Variants in ATRN observed in about 807,000 individuals in gnomAD.
The protein encoded by ATRN is attractin-2.
In ATRN, 54 loss-of-function variants were observed where a neutral mutation model predicts 178.7. The observed-to-expected ratio is 0.30, with a 90% confidence interval of 0.24 to 0.38. ATRN has a LOEUF of 0.38. Among genes scored for constraint, ATRN ranks in the 10% least tolerant of loss-of-function variants. The pLI is 1.00. For missense variants in ATRN, 1,443 were observed against 1,815.1 expected (o/e 0.79, Z 3.73); for synonymous variants, 636 against 663.0 (o/e 0.96, Z 0.63).
intron 11 of ATRN, among the ~76,000 whole-genome samples, chr20:3,567,972 A>G (rs751361870): frequency 2.5e-4 from 38 of 152,206 alleles, no homozygotes; most frequent in Non-Finnish European, 4.3e-4. Context: ...TTAATGTGGT[A>G]CTGAGTAAGC....
Position 3,645,460 on chromosome 20 carries a change from G to A in ATRN, c.4165+1192G>A, listed in dbSNP as rs1190141493. 6.6e-6 allele frequency among the ~76,000 whole-genome samples: 1 copy of A among 152,230 alleles called. No homozygotes were observed. Among genetic ancestry groups the A allele is most frequent in the Non-Finnish European group, 1.5e-5 (1 of 68,040 alleles). ...CGTCTGTCACTCAAGTGCAGTTTGT[G>A]TCTCCTGCCACCGCCCAGCCCAGCA... On this transcript the variant is annotated intron_variant, in intron 28 of 28. Transcript: ENST00000262919. The surrounding 1 kb of genome is among the most constrained non-coding windows in gnomAD (Gnocchi z 4.7).
At chr20:3,563,683 A>G (rs995398774) in intron 10 of ATRN, among the ~76,000 whole-genome samples, 6 of 152,082 alleles carry the variant, frequency 3.9e-5, no homozygotes, top group African/African-American at 1.4e-4. Flanking sequence ...ATTGTGTTAA[A>G]ATTGGTTCAC....
At position 3,540,206 on chromosome 20, in the gene ATRN, T is replaced by G; in HGVS notation, c.495-16T>G. ...GTGATAACTTTATTATAAATTACTT[T>G]TTTTATTCTTTTCAGGCCAAATAGA... On this transcript the variant is annotated splice_polypyrimidine_tract_variant and intron_variant, in intron 2 of 28. Transcript: ENST00000262919. 1 of 1,458,402 alleles carries G rather than the reference T, an allele frequency of 6.9e-7. No homozygotes were observed. The highest frequency in any genetic ancestry group is 9.4e-7 in the Non-Finnish European group (1 of 1,062,982). The allele number at this position is 1,458,402 out of a possible 1,614,324, so 90.3% of individuals were successfully genotyped here.
chr20:3,476,262 G>C (rs1390739385), intron 1 of ATRN, among the ~76,000 whole-genome samples: 1 of 152,214 alleles, frequency 6.6e-6, no homozygotes, highest in Admixed American at 6.5e-5. Flanking sequence ...AAACTTGGAT[G>C]TACTGAATAA....
intron 18 of ATRN, among the ~76,000 whole-genome samples, chr20:3,585,948 A>G (rs1339367586): frequency 2.6e-5 from 4 of 152,196 alleles, no homozygotes; most frequent in East Asian, 3.8e-4. Flanking sequence ...AATAACAAGT[A>G]TTGGAAGGAT....
chr20:3,547,107 C>T (rs996263055), intron 4 of ATRN, among the ~76,000 whole-genome samples, 177 bp from the exon 5 acceptor site: 2 of 152,190 alleles, frequency 1.3e-5, no homozygotes, highest in African/African-American at 4.8e-5. Flanking sequence ...ACTTGTACCT[C>T]GGGCTCTAGC....
intron 1 of ATRN, among the ~76,000 whole-genome samples, chr20:3,498,319 C>CT (rs1301395556): frequency 6.6e-6 from 1 of 152,190 alleles, no homozygotes; most frequent in Non-Finnish European, 1.5e-5. Flanking sequence ...GGAATCCTCT[C>CT]TAACTCATTT....
intron 6 of ATRN, among the ~76,000 whole-genome samples, chr20:3,550,190 C>T (rs531771230): frequency 9.9e-5 from 15 of 152,184 alleles, no homozygotes; most frequent in South Asian, 2.1e-4. Context: ...TAGCCAGGTG[C>T]GGTGGCCGGC....
chr20:3,499,409 C>G (rs2084925208), intron 1 of ATRN, among the ~76,000 whole-genome samples: 1 of 143,644 alleles, frequency 7.0e-6, no homozygotes, highest in Admixed American at 7.0e-5. Flanking sequence ...AAGCTGTAGG[C>G]ATCACACTAC....
At chr20:3,528,946 G>A (rs1475178688) in intron 1 of ATRN, among the ~76,000 whole-genome samples, 1 of 151,968 alleles carries the variant, frequency 6.6e-6, no homozygotes, top group East Asian at 1.9e-4. Flanking sequence ...CCAAGTAGCT[G>A]GGACTACAGG....
intron 1 of ATRN, among the ~76,000 whole-genome samples, chr20:3,508,646 C>T (rs1174010195): frequency 1.3e-5 from 2 of 152,214 alleles, no homozygotes; most frequent in African/African-American, 2.4e-5. Flanking sequence ...AAGGGAGTTC[C>T]GTAAGCAGAG....
At chr20:3,603,512 G>A (rs1469145693) in intron 23 of ATRN, among the ~76,000 whole-genome samples, 5 of 150,062 alleles carry the variant, frequency 3.3e-5, no homozygotes, top group African/African-American at 7.4e-5. Context: ...TTTTTGAGAC[G>A]GAATTTCGCT....
chr20:3,527,085 C>T (rs905388297), intron 1 of ATRN, among the ~76,000 whole-genome samples: 1 of 152,084 alleles, frequency 6.6e-6, no homozygotes, highest in Non-Finnish European at 1.5e-5. Flanking sequence ...CAAATGGGAT[C>T]TAATTAAACT....
At chr20:3,646,194 G>T (rs778609339) in intron 28 of ATRN, among the ~76,000 whole-genome samples, 57 of 152,282 alleles carry the variant, frequency 3.7e-4, no homozygotes, top group South Asian at 1.2e-3. Context: ...CCTGGCCCCA[G>T]AGCCTGCCCT....
intron 1 of ATRN, chr20:3,490,237 G>C (rs755320083): frequency 1.5e-5 from 22 of 1,512,656 alleles, no homozygotes; most frequent in Admixed American, 3.3e-5. Flanking sequence ...ATTTCAATCT[G>C]TCCAAACCCA....
At position 3,645,520 on chromosome 20, in the gene ATRN, G is replaced by T. The variant is rs759692195; in HGVS notation, c.4166-1203G>T. ...TGGTGTGCCCTGAGGGCAGGGTGGC[G>T]GCTGGGGCGGCAAGGTGACAGGTGT... On this transcript the variant is annotated intron_variant, in intron 28 of 28. Coordinates refer to ENST00000262919, the MANE Select transcript of ATRN (RefSeq NM_139321.3). The surrounding 1 kb of genome is among the most constrained non-coding windows in gnomAD (Gnocchi z 4.7). 7.2e-5 allele frequency among the ~76,000 whole-genome samples: 11 copies of T among 152,198 alleles called. No homozygotes were observed. The highest frequency in any genetic ancestry group is 1.2e-4 in the Non-Finnish European group (8 of 68,026).
chr20:3,582,959 G>C (rs1440292567), intron 16 of ATRN, among the ~76,000 whole-genome samples: 1 of 152,190 alleles, frequency 6.6e-6, no homozygotes, highest in East Asian at 1.9e-4. Flanking sequence ...AGCTGCTGCA[G>C]CATGAAGACA....
chr20:3,556,272 A>C (rs755926021), intron 6 of ATRN, among the ~76,000 whole-genome samples: 2 of 152,074 alleles, frequency 1.3e-5, no homozygotes, highest in Non-Finnish European at 2.9e-5. Flanking sequence ...GAAAAATTTT[A>C]TAGTTTCTTC....
Position 3,639,564 on chromosome 20 carries a change from A to G in ATRN, c.4050+629A>G, listed in dbSNP as rs79229642. The stretch of plus-strand genomic sequence containing the variant: ...CACCGCACCCAGCCTATTTTTCTTT[A>G]TATTTTGGGGAATTTTTTAAGCAGC... On this transcript the variant is annotated intron_variant, in intron 27 of 28. Transcript: ENST00000262919. 4.4e-3 allele frequency among the ~76,000 whole-genome samples: 664 copies of G among 151,928 alleles called. 7 individuals carry two copies. Among genetic ancestry groups the G allele is most frequent in the African/African-American group, 0.015 (601 of 41,444 alleles).
Sources: gnomAD v4.1 joint callset for allele counts (sites outside exome capture counted in the v4.1 genomes callset) on GRCh38, gnomAD v4.1.1 for gene constraint, Gnocchi (gnomAD v3.1) non-coding constraint, MANE v1.5 for transcripts, NCBI Gene and HGNC (gene_info 2026-07-23, HGNC 2026-07-21) for gene names.